Variants in MARCHF8 observed in about 807,000 individuals in gnomAD.
The protein encoded by MARCHF8 is E3 ubiquitin-protein ligase MARCHF8.
Under a neutral mutation model 51.6 loss-of-function variants are expected in MARCHF8, and 40 were observed. The observed-to-expected ratio is 0.77, with a 90% CI of 0.60 to 1.01. MARCHF8 has a LOEUF of 1.01. MARCHF8 is among the 50% of genes least tolerant of loss of function. The probability of loss-of-function intolerance (pLI) is 0.00; values close to 1 mark genes in which losing one functional copy is unlikely to be tolerated. For synonymous variants in MARCHF8, 263 were observed against 280.3 expected (o/e 0.94, Z 0.62); for missense variants, 685 against 708.6 (o/e 0.97, Z 0.38).
chr10:45,484,445 T>G (rs1004416360), intron 3 of MARCHF8, among the ~76,000 whole-genome samples: 4 of 152,316 alleles, frequency 2.6e-5, no homozygotes, highest in Admixed American at 2.6e-4. Context: ...AGTGCCCGTC[T>G]TTGTATAAAG....
At position 45,496,024 on chromosome 10, in the gene MARCHF8, CAT is replaced by C. The variant is rs202173119; in HGVS notation, c.103-6609_103-6608del. Among the ~76,000 whole-genome samples, 474 of 151,864 alleles carry C rather than the reference CAT, an allele frequency of 3.1e-3. 1 individual carries two copies. Among genetic ancestry groups the C allele is most frequent in the African/African-American group, 0.011 (455 of 41,416 alleles). ...AGGGAGGCCAGAGACAGTGGAAGGACATAAAGAACTCAAAGAAAAAAAATGTG... is the reference window on the plus strand; with the variant it reads ...AGGGAGGCCAGAGACAGTGGAAGGACAAAGAACTCAAAGAAAAAAAATGTG... On this transcript the variant is annotated intron_variant, in intron 2 of 7. Coordinates refer to ENST00000453424, the MANE Select transcript of MARCHF8 (RefSeq NM_001282866.2).
At chr10:45,565,420 C>A (rs1464426007) in intron 1 of MARCHF8, among the ~76,000 whole-genome samples, 1 of 151,948 alleles carries the variant, frequency 6.6e-6, no homozygotes, top group African/African-American at 2.4e-5. Context: ...GAGAGTAAGA[C>A]CCTGCATCAT....
intron 1 of MARCHF8, among the ~76,000 whole-genome samples, chr10:45,577,831 G>C (rs1450015563): frequency 6.6e-6 from 1 of 152,154 alleles, no homozygotes; most frequent in Non-Finnish European, 1.5e-5. Context: ...GACCAGCCTG[G>C]AGAATACAGC....
intron 6 of MARCHF8, chr10:45,459,653 G>A (rs1842724714): frequency 5.3e-6 from 5 of 945,772 alleles, no homozygotes; most frequent in Non-Finnish European, 6.3e-6. Flanking sequence ...TGGCATGGAC[G>A]AGCGGAAGAA....
rs569404731 is a variant in MARCHF8, at chr10:45,488,595, G to A, written c.153+772C>T. ...GAGCAAACTCACGACTGCTCCGGCCGACTGCTCCTGCCAACAGAAGGTTTG... is the reference window on the plus strand; with the variant it reads ...GAGCAAACTCACGACTGCTCCGGCCAACTGCTCCTGCCAACAGAAGGTTTG... On this transcript the variant is annotated intron_variant, in intron 3 of 7. Transcript: ENST00000453424. Among the ~76,000 whole-genome samples, 39 of 152,252 alleles carry A rather than the reference G, an allele frequency of 2.6e-4. 1 individual carries two copies. In the South Asian group the frequency reaches 5.8e-3, roughly 23 times the overall value.
chr10:45,559,964 TGAACACA>T (rs1351228936), intron 1 of MARCHF8, among the ~76,000 whole-genome samples: 5 of 152,120 alleles, frequency 3.3e-5, no homozygotes, highest in African/African-American at 4.8e-5. Context: ...CAGTGAGATT[TGAACACA>T]GAATCCTTCC....
At chr10:45,505,376 CAT>C (rs1434385578) in intron 2 of MARCHF8, among the ~76,000 whole-genome samples, 2 of 152,222 alleles carry the variant, frequency 1.3e-5, no homozygotes. Flanking sequence ...GCCAATTTCA[CAT>C]ATTAGGGTCT....
intron 2 of MARCHF8, among the ~76,000 whole-genome samples, chr10:45,517,645 G>A (rs1442670983): frequency 3.9e-5 from 6 of 152,156 alleles, no homozygotes; most frequent in African/African-American, 1.2e-4. Flanking sequence ...ACAGAACCAC[G>A]AGGCAATTAA....
intron 2 of MARCHF8, among the ~76,000 whole-genome samples, chr10:45,532,765 C>A (rs1423447482): frequency 6.6e-6 from 1 of 152,188 alleles, no homozygotes; most frequent in Non-Finnish European, 1.5e-5. Context: ...TTAAGAAATT[C>A]CAGCCATCTG....
intron 2 of MARCHF8, among the ~76,000 whole-genome samples, chr10:45,508,729 G>C (rs2043435975): frequency 6.6e-6 from 1 of 152,022 alleles, no homozygotes; most frequent in Non-Finnish European, 1.5e-5. Flanking sequence ...TATATTTCAA[G>C]ATTCATTTCT....
intron 6 of MARCHF8, chr10:45,460,953 G>A: frequency 3.1e-6 from 1 of 327,492 alleles, no homozygotes. Flanking sequence ...GTCACAAACA[G>A]TCTGTAGTCA....
chr10:45,490,136 C>T (rs1446779578), intron 2 of MARCHF8, among the ~76,000 whole-genome samples: 2 of 152,188 alleles, frequency 1.3e-5, no homozygotes, highest in Non-Finnish European at 2.9e-5. Context: ...AATAACATCC[C>T]ACCTGGCCTT....
chr10:45,460,169 G>C (rs1842743416), intron 6 of MARCHF8, among the ~76,000 whole-genome samples: 1 of 152,166 alleles, frequency 6.6e-6, no homozygotes, highest in Non-Finnish European at 1.5e-5. Flanking sequence ...CAAGTTCCCT[G>C]GTCTTCCTAC....
intron 2 of MARCHF8, among the ~76,000 whole-genome samples, chr10:45,509,974 G>C (rs1249733628): frequency 6.8e-6 from 1 of 147,888 alleles, no homozygotes; most frequent in African/African-American, 2.6e-5. Context: ...GCTGAACAAC[G>C]CCTGTAATCT....
At chr10:45,483,792 C>A (rs1412401241) in intron 3 of MARCHF8, among the ~76,000 whole-genome samples, 1 of 117,158 alleles carries the variant, frequency 8.5e-6, no homozygotes, top group Non-Finnish European at 1.8e-5. Context: ...ATTAGCCAGA[C>A]ACAGAAAGAC....
chr10:45,475,615 C>T (rs759912221), intron 3 of MARCHF8, among the ~76,000 whole-genome samples: 3 of 152,120 alleles, frequency 2.0e-5, no homozygotes, highest in Admixed American at 2.0e-4. Context: ...CCATCACAGC[C>T]GCAAACTGCT....
chr10:45,567,249 G>T (rs2044375564), intron 1 of MARCHF8, among the ~76,000 whole-genome samples: 1 of 152,124 alleles, frequency 6.6e-6, no homozygotes, highest in African/African-American at 2.4e-5. Flanking sequence ...TTTGTTGACT[G>T]TATCCTTCGC....
chr10:45,580,786 C>T (rs903722699), intron 1 of MARCHF8, among the ~76,000 whole-genome samples: 1 of 152,020 alleles, frequency 6.6e-6, no homozygotes, highest in Non-Finnish European at 1.5e-5. Context: ...TAGTATTGTG[C>T]GCTAGGACCA....
intron 2 of MARCHF8, among the ~76,000 whole-genome samples, chr10:45,492,359 G>A (rs531485816): frequency 4.0e-5 from 6 of 151,410 alleles, no homozygotes; most frequent in African/African-American, 9.7e-5. Context: ...GTGCACTGGT[G>A]CAATCTCGGC....
Sources: gnomAD v4.1 joint callset for allele counts (sites outside exome capture counted in the v4.1 genomes callset) on GRCh38, gnomAD v4.1.1 for gene constraint, MANE v1.5 for transcripts, NCBI Gene and HGNC (gene_info 2026-07-23, HGNC 2026-07-21) for gene names.